The following ELP5 variants were observed in gnomAD, a reference collection of about 807,000 sequenced individuals.
The protein encoded by ELP5 is elongator acetyltransferase complex subunit 5, also known as elongator complex protein 5.
ELP5 carries 34 observed loss-of-function variants against 33.4 expected under a neutral mutation model. That is an observed-to-expected ratio of 1.02 (90% CI 0.78 to 1.36). The LOEUF (loss-of-function observed/expected upper bound fraction) is 1.36. Among genes scored for constraint, ELP5 ranks in the 40% most tolerant of loss-of-function variants. ELP5 has a pLI of 0.00. For synonymous variants in ELP5, 161 were observed against 146.4 expected (o/e 1.10, Z -0.72); for missense variants, 373 against 371.7 (o/e 1.00, Z -0.03).
chr17:7,256,171 T>C (rs541851094), intron 4 of ELP5, among the ~76,000 whole-genome samples: 1 of 152,064 alleles, frequency 6.6e-6, no homozygotes, highest in African/African-American at 2.4e-5. Context: ...GCCAAGATGC[T>C]GAAACCCCGT....
chr17:7,252,625 G>A lies in ELP5; in HGVS notation c.46+29G>A, dbSNP rs199771341. On this transcript the variant is annotated intron_variant, in intron 1 of 7. Transcript: ENST00000396628. ...AGAGCCAGAGGCACGGTGGCGGGGC[G>A]GGGGGTGCGGTTCGGGCCTGGCTGA... The A allele has an allele frequency of 4.5e-5, 73 of 1,605,002 alleles. No individual in the cohort carries two copies. In the African/African-American group the frequency reaches 8.5e-4, roughly 19 times the overall value.
chr17:7,259,189 C>A, intron 7 of ELP5: 1 of 1,394,636 alleles, frequency 7.2e-7, no homozygotes, highest in Non-Finnish European at 9.3e-7. Context: ...AGACCAGACC[C>A]TTGGGAGGTG....
intron 3 of ELP5, among the ~76,000 whole-genome samples, chr17:7,253,475 T>A (rs1363753298): frequency 2.0e-5 from 3 of 152,120 alleles, no homozygotes. Context: ...TGGGTAGAAT[T>A]TCCAGGATTT....
At chr17:7,254,902 A>T in intron 4 of ELP5, 99 bp downstream of exon 4, 1 of 940,164 alleles carries the variant, frequency 1.1e-6, no homozygotes, top group Non-Finnish European at 1.6e-6. Context: ...TGGGTTCTCC[A>T]GTCAGACCTT....
intron 7 of ELP5, chr17:7,259,266 C>T: frequency 7.3e-7 from 1 of 1,372,412 alleles, no homozygotes; most frequent in Non-Finnish European, 9.4e-7. Context: ...GGCTGGTTAA[C>T]AAGGGCTTAG....
chr17:7,252,508 G>T lies in ELP5; in HGVS notation c.-43G>T. ...AGGAGGAAGGACACTGGGTCATGAC[G>T]CCATCAGAGGGCGCCAGAGCAGGGA... is the stretch of plus-strand genomic sequence containing the variant. On this transcript the variant is annotated 5_prime_UTR_variant, in exon 1 of 8. Transcript: ENST00000396628. 6.2e-7 allele frequency: 1 copy of T among 1,613,598 alleles called. No individual in the cohort carries two copies.
At chr17:7,252,134 A>G (rs550517574), upstream of ELP5, 1 of 349,642 alleles carries the variant, frequency 2.9e-6, no homozygotes, top group South Asian at 2.3e-5. Flanking sequence ...AGTATTGCGC[A>G]CGCGCAGAAG....
intron 4 of ELP5, 131 bp from the exon 5 acceptor site, chr17:7,256,726 G>C: frequency 1.2e-6 from 1 of 843,286 alleles, no homozygotes; most frequent in Non-Finnish European, 1.9e-6. Flanking sequence ...ACGGTAGTGA[G>C]ATTGGCCAAG....
At position 7,259,823 on chromosome 17, in the gene ELP5, G is replaced by C; in HGVS notation, c.*138G>C. 1 of 1,447,512 alleles carries C rather than the reference G, an allele frequency of 6.9e-7. No homozygotes were observed. Among genetic ancestry groups the C allele is most frequent in the South Asian group, 1.4e-5 (1 of 71,680 alleles). 89.7% of individuals were successfully genotyped at this position (1,447,512 alleles called of 1,614,324 possible). Reference sequence around the variant, plus strand: ...CCCCTTGTCTATGGAGCCCCGCCTTGTGAGCCAGGAAGCAGCGTCTCATCA... The same window carrying C: ...CCCCTTGTCTATGGAGCCCCGCCTTCTGAGCCAGGAAGCAGCGTCTCATCA... On this transcript the variant is annotated 3_prime_UTR_variant, in exon 8 of 8. Transcript: ENST00000396628.
rs543484290 is a variant in ELP5, at chr17:7,252,304, G to A, written c.-247G>A. On this transcript the variant is annotated 5_prime_UTR_variant, in exon 1 of 8. Transcript: ENST00000396628. Reference sequence around the variant, plus strand: ...CTGCCCCAACTGCTCTTCCCGCCCCGGTCACAGTGAAAATGTAGACGGGGT... The same window carrying A: ...CTGCCCCAACTGCTCTTCCCGCCCCAGTCACAGTGAAAATGTAGACGGGGT... 8 of 591,170 alleles carry A rather than the reference G, an allele frequency of 1.4e-5. No individual in the cohort carries two copies. Among genetic ancestry groups the A allele is most frequent in the East Asian group, 3.0e-5 (1 of 33,464 alleles). 36.6% of individuals were successfully genotyped at this position (591,170 alleles called of 1,614,324 possible). A position where few individuals can be genotyped will look rare whatever the true frequency, so the allele number is the denominator to read the frequency against.
rs367615514 is a variant in ELP5 at position 7,254,787 on chromosome 17, T to C, written c.393T>C (p.His131=). 1.5e-5 allele frequency: 25 copies of C among 1,613,886 alleles called. No individual in the cohort carries two copies. In the African/African-American group the frequency reaches 3.2e-4, roughly 21 times the overall value. Reference sequence around the variant, plus strand: ...GCCAGGTCCTGCATGCTGTGAGCCATCAGGACTCTTGTCCTGGTGAGACCC... The same window carrying C: ...GCCAGGTCCTGCATGCTGTGAGCCACCAGGACTCTTGTCCTGGTGAGACCC... The part of the protein sequence containing the change: ...TLCQVLHAVS[H]QDSCPGDSSS... Residue 131 remains histidine, a synonymous_variant, in exon 4 of 8, where the codon CAT becomes CAC. Transcript: ENST00000396628.
chr17:7,252,761 G>A lies in ELP5; in HGVS notation c.47-9G>A, dbSNP rs769321590. The A allele has an allele frequency of 1.2e-6, 2 of 1,613,990 alleles. No homozygotes were observed. The highest frequency in any genetic ancestry group is 1.3e-5 in the African/African-American group (1 of 74,970). ...CTCTCATACCCTTTATCCGTCCCTCGCTCTGCAGATTCCGTGGAGTGGGAG... is the reference window on the plus strand; with the variant it reads ...CTCTCATACCCTTTATCCGTCCCTCACTCTGCAGATTCCGTGGAGTGGGAG... On this transcript the variant is annotated splice_polypyrimidine_tract_variant and intron_variant, in intron 1 of 7. Coordinates refer to ENST00000396628, the MANE Select transcript of ELP5 (RefSeq NM_203414.3).
In ELP5 at chr17:7,258,878, G is replaced by A. The variant is rs754809906; in HGVS notation, c.740G>A (p.Arg247Lys). 6.2e-7 allele frequency: 1 copy of A among 1,614,156 alleles called. No homozygotes were observed. The highest frequency in any genetic ancestry group is 1.1e-5 in the South Asian group (1 of 91,082). Residue 247 changes from arginine (R) to lysine (K), a missense_variant, in exon 7 of 8, where the codon AGA becomes AAA. Physicochemically the swap from Arg to Lys is conservative, Grantham distance 26. Transcript: ENST00000396628. ...TFNLHLSKKE[R>K]EARDSLILPF... ...AACCTTCACCTGTCCAAGAAAGAGA[G>A]AGAAGCCAGAGATAGCCTGATCCTG...
At position 7,259,628 on chromosome 17, in the gene ELP5, G is replaced by A. The variant is rs759194711; in HGVS notation, c.846G>A (p.Glu282=). ...PGQATSHIFY[E]PDAYDDLDQE... ...AGGCTACCAGCCACATCTTCTATGAGCCAGATGCTTATGATGACCTGGACC... is the reference window on the plus strand; with the variant it reads ...AGGCTACCAGCCACATCTTCTATGAACCAGATGCTTATGATGACCTGGACC... The change falls in exon 8 of 8, where the codon GAG becomes GAA. Residue 282 remains glutamate, a synonymous_variant. Transcript: ENST00000396628. 1 of 1,614,264 alleles carries A rather than the reference G, an allele frequency of 6.2e-7. No homozygotes were observed. The highest frequency in any genetic ancestry group is 1.7e-5 in the Admixed American group (1 of 60,036).
chr17:7,252,089 A>C, upstream of ELP5: 1 of 292,098 alleles, frequency 3.4e-6, no homozygotes, highest in Non-Finnish European at 6.7e-6. Flanking sequence ...GCGGGTAGGT[A>C]TAAGGAAAGC....
rs1469847715 is a variant in ELP5 at position 7,252,262 on chromosome 17, C to T, written c.-289C>T. On this transcript the variant is annotated 5_prime_UTR_variant, in exon 1 of 8. Coordinates refer to ENST00000396628, the MANE Select transcript of ELP5 (RefSeq NM_203414.3). ...TCGCGGGGGGCTTGTGGGTCCTCCT[C>T]CCCCTCCCACTGACAACTGCCCCAA... 20 of 510,232 alleles carry T rather than the reference C, an allele frequency of 3.9e-5. No individual in the cohort carries two copies. In the Admixed American group the frequency reaches 5.9e-4, roughly 15 times the overall value. The allele number at this position is 510,232 out of a possible 1,614,324, so 31.6% of individuals were successfully genotyped here.
rs774136780 is a variant in ELP5 at position 7,258,568 on chromosome 17, CTT to C, written c.592-17_592-16del. The stretch of plus-strand genomic sequence containing the variant: ...TTTCTTCAGTAAGATGAAAAAAACT[CTT>C]TTCTTTTTTCTCTCCAGACTCAGTG... On this transcript the variant is annotated intron_variant, in intron 5 of 7. Coordinates refer to ENST00000396628, the MANE Select transcript of ELP5 (RefSeq NM_203414.3). The C allele has an allele frequency of 9.9e-6, 16 of 1,610,982 alleles. No homozygotes were observed. The highest frequency in any genetic ancestry group is 9.4e-5 in the African/African-American group (7 of 74,596).
chr17:7,255,747 T>G (rs1278059587), intron 4 of ELP5, among the ~76,000 whole-genome samples: 1 of 152,172 alleles, frequency 6.6e-6, no homozygotes, highest in African/African-American at 2.4e-5. Flanking sequence ...ACCACTATAT[T>G]GCCATTTCTT....
rs1010753905 is a variant in ELP5, at chr17:7,258,992, G to A, written c.788+66G>A. ...CCAGCATCTGGGCCATGGAGAGGTTGGGGCAACAGGTTATTGATTAACCTG... is the reference window on the plus strand; with the variant it reads ...CCAGCATCTGGGCCATGGAGAGGTTAGGGCAACAGGTTATTGATTAACCTG... On this transcript the variant is annotated intron_variant, in intron 7 of 7. Transcript: ENST00000396628. The A allele has an allele frequency of 9.3e-6, 15 of 1,604,840 alleles. No homozygotes were observed. The African/African-American group carries it at 1.6e-4, about 17-fold the overall frequency.
Sources: allele counts gnomAD v4.1 joint callset (sites outside exome capture counted in the v4.1 genomes callset), GRCh38; gene constraint gnomAD v4.1.1; transcripts MANE v1.5; gene names NCBI Gene and HGNC (gene_info 2026-07-23, HGNC 2026-07-21).